The following DLGAP1 variants were observed in gnomAD, a reference collection of about 807,000 sequenced individuals.
DLGAP1 encodes disks large-associated protein 1.
Under a neutral mutation model 90.8 loss-of-function variants are expected in DLGAP1, and 11 were observed. The ratio of observed to expected loss-of-function variants is 0.12; its 90% CI spans 0.08 to 0.20. The LOEUF is 0.20. Among genes scored for constraint, DLGAP1 ranks in the 10% least tolerant of loss-of-function variants. The pLI, the probability that DLGAP1 is intolerant of heterozygous loss-of-function variation, is 1.00. For missense variants in DLGAP1, 1,050 were observed against 1,333.8 expected (o/e 0.79, Z 3.31); for synonymous variants, 558 against 540.7 (o/e 1.03, Z -0.44).
chr18:4,040,129 T>C (rs2074953305), intron 2 of DLGAP1, among the ~76,000 whole-genome samples: 3 of 152,200 alleles, frequency 2.0e-5, no homozygotes, highest in Admixed American at 2.0e-4. Flanking sequence ...GGTTAAGAGT[T>C]TGGACTCTCT....
chr18:4,370,975 T>TAAC (rs35408344), intron 1 of DLGAP1, among the ~76,000 whole-genome samples: 99,551 of 151,550 alleles, frequency 0.66, 32,967 homozygotes, highest in African/African-American at 0.74. Flanking sequence ...ATTAACAACA[T>TAAC]AACAAGAAGA....
chr18:3,943,861 G>A (rs184261063), intron 3 of DLGAP1, among the ~76,000 whole-genome samples: 79 of 152,248 alleles, frequency 5.2e-4, no homozygotes, highest in Non-Finnish European at 3.8e-4. Flanking sequence ...AGAAGAAGAG[G>A]AGATTAGGAC....
At chr18:3,629,544 C>T (rs931816533) in intron 7 of DLGAP1, among the ~76,000 whole-genome samples, 5 of 151,742 alleles carry the variant, frequency 3.3e-5, no homozygotes, top group East Asian at 3.9e-4. Context: ...TGTTGGTGGG[C>T]GCCTGTAGTC....
At chr18:3,535,966 C>T (rs781268904) in intron 9 of DLGAP1, among the ~76,000 whole-genome samples, 20 of 151,872 alleles carry the variant, frequency 1.3e-4, no homozygotes, top group Non-Finnish European at 2.5e-4. Flanking sequence ...ATCCAGGAAA[C>T]GGAGGTTGTG....
At chr18:4,447,506 A>G (rs956061812) in intron 1 of DLGAP1, among the ~76,000 whole-genome samples, 1 of 152,136 alleles carries the variant, frequency 6.6e-6, no homozygotes, top group Non-Finnish European at 1.5e-5. Context: ...CACAAAACTC[A>G]GTGGGCTGAG....
intron 4 of DLGAP1, among the ~76,000 whole-genome samples, chr18:3,824,130 T>C (rs762900340): frequency 1.3e-5 from 2 of 152,150 alleles, no homozygotes; most frequent in East Asian, 1.9e-4. Flanking sequence ...TGAGCCATCA[T>C]AGCTTTCCAT....
intron 5 of DLGAP1, among the ~76,000 whole-genome samples, chr18:3,793,054 C>T (rs1268251866): frequency 3.3e-5 from 5 of 152,174 alleles, no homozygotes; most frequent in African/African-American, 7.2e-5. Flanking sequence ...CTCACAAGTG[C>T]GGCGCTGTTA....
chr18:3,980,841 T>G (rs2073712330), intron 3 of DLGAP1, among the ~76,000 whole-genome samples: 1 of 152,250 alleles, frequency 6.6e-6, no homozygotes, highest in Admixed American at 6.5e-5. Context: ...TATATCAAGC[T>G]AATTAACATA....
intron 4 of DLGAP1, among the ~76,000 whole-genome samples, chr18:3,819,361 T>C (rs2067276323): frequency 6.6e-6 from 1 of 152,208 alleles, no homozygotes; most frequent in South Asian, 2.1e-4. Context: ...CAATAAATTC[T>C]GACACTCCAT....
intron 10 of DLGAP1, among the ~76,000 whole-genome samples, chr18:3,522,546 CTTTT>C (rs532794429): frequency 1.7e-5 from 2 of 116,556 alleles, no homozygotes; most frequent in Non-Finnish European, 1.7e-5. Flanking sequence ...GCAGTCAACT[CTTTT>C]TTTTTTTTTT....
At chr18:3,850,888 T>C (rs982111029) in intron 4 of DLGAP1, among the ~76,000 whole-genome samples, 30 of 151,984 alleles carry the variant, frequency 2.0e-4, no homozygotes, top group Non-Finnish European at 2.4e-4. Flanking sequence ...ATCATCTTTA[T>C]AGAAAAAAAA....
intron 1 of DLGAP1, among the ~76,000 whole-genome samples, chr18:4,452,988 A>G (rs2083871767): frequency 6.6e-6 from 1 of 152,222 alleles, no homozygotes; most frequent in South Asian, 2.1e-4. Context: ...AATATAGAGA[A>G]ATAGATAGCT....
intron 1 of DLGAP1, among the ~76,000 whole-genome samples, chr18:4,263,955 A>T (rs1401228466): frequency 3.9e-5 from 6 of 152,246 alleles, no homozygotes; most frequent in African/African-American, 1.4e-4. Flanking sequence ...AACGAAAGCA[A>T]ATAGTCTTTC....
intron 1 of DLGAP1, among the ~76,000 whole-genome samples, chr18:4,158,033 G>T (rs2076785733): frequency 6.6e-6 from 1 of 152,098 alleles, no homozygotes; most frequent in Non-Finnish European, 1.5e-5. Context: ...CAAACCACAG[G>T]TCTTTTTCTT....
intron 7 of DLGAP1, among the ~76,000 whole-genome samples, chr18:3,665,811 A>G (rs1319146181): frequency 6.6e-6 from 1 of 152,172 alleles, no homozygotes; most frequent in Non-Finnish European, 1.5e-5. Flanking sequence ...GGCTCTGCCC[A>G]TTTCCACTTC....
chr18:4,339,575 T>C (rs899802399), intron 1 of DLGAP1, among the ~76,000 whole-genome samples: 5 of 152,186 alleles, frequency 3.3e-5, no homozygotes, highest in Non-Finnish European at 5.9e-5. Context: ...CACACAATAA[T>C]GAGCTCACTC....
intron 4 of DLGAP1, among the ~76,000 whole-genome samples, chr18:3,819,370 A>G (rs1485379695): frequency 1.3e-5 from 2 of 152,206 alleles, no homozygotes; most frequent in Non-Finnish European, 2.9e-5. Flanking sequence ...CTGACACTCC[A>G]TAGAATATAT....
intron 1 of DLGAP1, among the ~76,000 whole-genome samples, chr18:4,423,751 C>T (rs2083090320): frequency 6.6e-6 from 1 of 151,064 alleles, no homozygotes; most frequent in Non-Finnish European, 1.5e-5. Flanking sequence ...TAAAGGTTGC[C>T]TACCCCAGGA....
chr18:3,836,445 T>A (rs949239878), intron 4 of DLGAP1, among the ~76,000 whole-genome samples: 14 of 152,256 alleles, frequency 9.2e-5, no homozygotes, highest in African/African-American at 3.4e-4. Context: ...GAGTTTCCTC[T>A]GAGCACTCAT....
Sources: allele counts gnomAD v4.1 joint callset (sites outside exome capture counted in the v4.1 genomes callset), GRCh38; gene constraint gnomAD v4.1.1; transcripts MANE v1.5; gene names NCBI Gene and HGNC (gene_info 2026-07-23, HGNC 2026-07-21).